ANKRD62: variants seen among roughly 807,000 people sequenced by gnomAD.
ANKRD62 encodes ankyrin repeat domain-containing protein 62.
In ANKRD62, 61 loss-of-function variants were observed where a neutral mutation model predicts 98.8. The ratio of observed to expected loss-of-function variants is 0.62; its 90% CI spans 0.50 to 0.76. The LOEUF (loss-of-function observed/expected upper bound fraction) is 0.76, where lower values mean the gene tolerates loss of function less well. Ranked by LOEUF, ANKRD62 falls within the 30% of genes least tolerant of loss-of-function variation. ANKRD62 has a pLI of 0.00. For missense variants in ANKRD62, 933 were observed against 1,082.9 expected (o/e 0.86, Z 1.94); for synonymous variants, 341 against 367.9 (o/e 0.93, Z 0.84).
chr18:12,174,480 G>T, the ANKRD62 span, among the ~76,000 whole-genome samples: 2 of 152,148 alleles, frequency 1.3e-5, no homozygotes, highest in Non-Finnish European at 2.9e-5. Flanking sequence ...TCTATCCATA[G>T]TCTGAGTTCT....
intron 7 of ANKRD62, among the ~76,000 whole-genome samples, chr18:12,105,868 G>T (rs556124973): frequency 6.6e-6 from 1 of 152,174 alleles, no homozygotes; most frequent in Non-Finnish European, 1.5e-5. Flanking sequence ...GTAAACTAGG[G>T]TTAGCCTATA....
the ANKRD62 span, among the ~76,000 whole-genome samples, chr18:12,138,259 T>C: frequency 9.9e-5 from 15 of 152,228 alleles, no homozygotes; most frequent in African/African-American, 3.6e-4. Flanking sequence ...TTGTTCTCCT[T>C]GGTTTCAAAG....
At chr18:12,109,950 C>CAAA (rs10588166) in intron 8 of ANKRD62, among the ~76,000 whole-genome samples, 22 of 124,812 alleles carry the variant, frequency 1.8e-4, no homozygotes, top group South Asian at 2.6e-4. Flanking sequence ...TCACTGTTAC[C>CAAA]AAAAAAAAAA....
At chr18:12,139,800 T>A in the ANKRD62 span, among the ~76,000 whole-genome samples, 1 of 152,152 alleles carries the variant, frequency 6.6e-6, no homozygotes, top group African/African-American at 2.4e-5. Context: ...CATTTCAACT[T>A]TGGTGAATCT....
Position 12,095,088 on chromosome 18 carries a change from T to C in ANKRD62, c.219-83T>C, listed in dbSNP as rs548585452. 1.3e-5 allele frequency: 13 copies of C among 969,224 alleles called. No homozygotes were observed. The Middle Eastern group carries it at 1.6e-3, about 123-fold the overall frequency. The allele number at this position is 969,224 out of a possible 1,614,324, so 60.0% of individuals were successfully genotyped here. A position where few individuals can be genotyped will look rare whatever the true frequency, so the allele number is the denominator to read the frequency against. On this transcript the variant is annotated intron_variant, in intron 1 of 13. Transcript: ENST00000587848. ...CTGAAGGCAGAGGGATAACATACTA[T>C]TGGATGTTTACAATTGCATGCGTCG...
intron 7 of ANKRD62, among the ~76,000 whole-genome samples, chr18:12,105,213 G>A (rs1011993339): frequency 6.6e-5 from 10 of 152,170 alleles, no homozygotes; most frequent in Non-Finnish European, 1.5e-4. Flanking sequence ...CACTTAATAA[G>A]AATACAAAAC....
the ANKRD62 span, among the ~76,000 whole-genome samples, chr18:12,158,605 A>C: frequency 6.6e-6 from 1 of 151,616 alleles, no homozygotes; most frequent in Non-Finnish European, 1.5e-5. Flanking sequence ...GGCTCACCGC[A>C]AGCTCTGCCT....
Position 12,126,064 on chromosome 18 carries a change from T to C in ANKRD62, c.2243T>C (p.Leu748Ser). 1 of 1,536,216 alleles carries C rather than the reference T, an allele frequency of 6.5e-7. No individual in the cohort carries two copies. The highest frequency in any genetic ancestry group is 1.7e-4 in the Middle Eastern group (1 of 5,990). The change falls in exon 13 of 14, where the codon TTG becomes TCG. Residue 748 changes from leucine (L) to serine (S), a missense_variant. Physicochemically the swap from Leu to Ser is moderately radical, Grantham distance 145. Around this residue, in one of 3 missense-constraint regions of ANKRD62, gnomAD observed 362 missense variants for 434.5 expected, o/e 0.83. Transcript: ENST00000587848. ...GTCCTAAGCCGAACACAGCGTCGAT[T>C]GGAGGACATTGAACACATGTACCAA... The part of the protein sequence containing the change: ...QGVLSRTQRR[L>S]EDIEHMYQND...
At chr18:12,173,515 G>A in the ANKRD62 span, among the ~76,000 whole-genome samples, 3 of 152,210 alleles carry the variant, frequency 2.0e-5, no homozygotes, top group Non-Finnish European at 4.4e-5. Flanking sequence ...ATTAATATGT[G>A]TGAATTTAAT....
At chr18:12,106,365 C>T (rs1909413650) in intron 7 of ANKRD62, among the ~76,000 whole-genome samples, 1 of 152,098 alleles carries the variant, frequency 6.6e-6, no homozygotes, top group Non-Finnish European at 1.5e-5. Context: ...AGACAAAAAT[C>T]TGGTGATGTT....
chr18:12,127,911 A>T lies in ANKRD62; in HGVS notation c.2726A>T (p.Lys909Ile). The T allele has an allele frequency of 6.7e-7, 1 of 1,502,006 alleles. No individual in the cohort carries two copies. The highest frequency in any genetic ancestry group is 8.8e-7 in the Non-Finnish European group (1 of 1,133,076). 93.0% of individuals were successfully genotyped at this position (1,502,006 alleles called of 1,614,324 possible). A position where few individuals can be genotyped will look rare whatever the true frequency, so the allele number is the denominator to read the frequency against. ...CAGATGAGAAGTCAAGTATGTATGA[A>T]ACTTAGCATGTCAACAGTTACTCTG... is the stretch of plus-strand genomic sequence containing the variant. Reference protein sequence around the residue: ...LGQMRSQVCMKLSMSTVTL With the variant: ...LGQMRSQVCMILSMSTVTL The change falls in exon 14 of 14, where the codon AAA becomes ATA. Residue 909 changes from lysine to isoleucine, a missense_variant. Lys to Ile is a moderately radical substitution (Grantham distance 102). Around this residue, in one of 3 missense-constraint regions of ANKRD62, gnomAD observed 362 missense variants for 434.5 expected, o/e 0.83. Transcript: ENST00000587848.
the ANKRD62 span, among the ~76,000 whole-genome samples, chr18:12,168,886 T>C: frequency 6.6e-6 from 1 of 152,238 alleles, no homozygotes; most frequent in African/African-American, 2.4e-5. Flanking sequence ...TATTTTATTC[T>C]CTTTGAAGCA....
chr18:12,117,196 A>G (rs1327236057), intron 10 of ANKRD62, among the ~76,000 whole-genome samples: 1 of 152,152 alleles, frequency 6.6e-6, no homozygotes, highest in East Asian at 1.9e-4. Context: ...TAGACCAAAG[A>G]TTTTCAAACC....
chr18:12,163,264 T>C, the ANKRD62 span, among the ~76,000 whole-genome samples: 5 of 152,114 alleles, frequency 3.3e-5, no homozygotes, highest in Admixed American at 2.6e-4. Flanking sequence ...TTTGTGGCTA[T>C]TGAAAATGAG....
the ANKRD62 span, among the ~76,000 whole-genome samples, chr18:12,140,032 G>A: frequency 6.6e-6 from 1 of 152,168 alleles, no homozygotes; most frequent in African/African-American, 2.4e-5. Flanking sequence ...ATTTCTTGGA[G>A]GCTTTGTTCG....
At position 12,125,724 on chromosome 18, in the gene ANKRD62, C is replaced by T. The variant is rs1190199708; in HGVS notation, c.1903C>T (p.Leu635Phe). Residue 635 changes from leucine to phenylalanine, a missense_variant, in exon 13 of 14, where the codon CTC becomes TTC. By Grantham distance (22) the Leu-to-Phe change is conservative. Around this residue, in one of 3 missense-constraint regions of ANKRD62, gnomAD observed 362 missense variants for 434.5 expected, o/e 0.83. Transcript: ENST00000587848. The stretch of plus-strand genomic sequence containing the variant: ...TGTTCTGATGGATGAGAATACAATG[C>T]TCAATTCTGAGCTACAGAAGGAAAA... ...LNVLMDENTM[L>F]NSELQKEKQS... is the part of the protein sequence containing the mutation. The T allele has an allele frequency of 2.6e-6, 4 of 1,542,726 alleles. No individual in the cohort carries two copies. Among genetic ancestry groups the T allele is most frequent in the Non-Finnish European group, 1.7e-6 (2 of 1,146,908 alleles).
the ANKRD62 span, among the ~76,000 whole-genome samples, chr18:12,172,814 C>T: frequency 6.6e-6 from 1 of 152,190 alleles, no homozygotes; most frequent in Non-Finnish European, 1.5e-5. Flanking sequence ...ATGGCAGACT[C>T]CCCTCCCCCA....
At chr18:12,138,241 T>C in the ANKRD62 span, among the ~76,000 whole-genome samples, 1 of 152,194 alleles carries the variant, frequency 6.6e-6, no homozygotes, top group Non-Finnish European at 1.5e-5. Context: ...TTCTGGTATG[T>C]TGTGTCTTTG....
chr18:12,134,106 T>C (rs1910044065), downstream of ANKRD62, among the ~76,000 whole-genome samples: 1 of 152,230 alleles, frequency 6.6e-6, no homozygotes, highest in Non-Finnish European at 1.5e-5. Flanking sequence ...TTTTACATAC[T>C]TGGAGACATC....
Sources: allele counts gnomAD v4.1 joint callset (sites outside exome capture counted in the v4.1 genomes callset), GRCh38; gene constraint gnomAD v4.1.1; regional missense constraint gnomAD v4.1.1; transcripts MANE v1.5; gene names NCBI Gene and HGNC (gene_info 2026-07-23, HGNC 2026-07-21).